Variants in DNAAF9 observed in about 807,000 individuals in gnomAD.
DNAAF9 encodes shulin.
In DNAAF9, 90 loss-of-function variants were observed where a neutral mutation model predicts 167.0. The observed-to-expected ratio is 0.54, with a 90% CI of 0.45 to 0.64. The LOEUF (loss-of-function observed/expected upper bound fraction) is 0.64, where lower values mean the gene tolerates loss of function less well. Ranked by LOEUF, DNAAF9 falls within the 30% of genes least tolerant of loss-of-function variation. The probability of loss-of-function intolerance (pLI) is 0.00; values close to 1 mark genes in which losing one functional copy is unlikely to be tolerated. For synonymous variants in DNAAF9, 491 were observed against 508.8 expected (o/e 0.96, Z 0.47); for missense variants, 1,315 against 1,442.2 (o/e 0.91, Z 1.43).
intron 10 of DNAAF9, among the ~76,000 whole-genome samples, chr20:3,332,902 T>TGTGTG (rs1381136523): frequency 8.8e-6 from 1 of 113,006 alleles, no homozygotes; most frequent in Non-Finnish European, 1.8e-5. Context: ...GTGCGTGTGG[T>TGTGTG]GTGTGTGTGT....
At chr20:3,371,254 TTC>T (rs1488826449) in intron 6 of DNAAF9, among the ~76,000 whole-genome samples, 1 of 152,010 alleles carries the variant, frequency 6.6e-6, no homozygotes, top group Non-Finnish European at 1.5e-5. Context: ...TAGATCTCAT[TTC>T]TCTTTTTATA....
At chr20:3,253,899 T>G (rs2068234410) in intron 35 of DNAAF9, 80 bp from the exon 36 acceptor site, 1 of 836,718 alleles carries the variant, frequency 1.2e-6, no homozygotes, top group African/African-American at 1.7e-5. Context: ...ACAAGTCTAT[T>G]TCCCTAGCAA....
chr20:3,353,660 G>A (rs973270595), intron 7 of DNAAF9, among the ~76,000 whole-genome samples: 1 of 129,516 alleles, frequency 7.7e-6, no homozygotes, highest in Non-Finnish European at 1.5e-5. Context: ...AAAAAAAAAG[G>A]CTATTAATAC....
At position 3,298,125 on chromosome 20, in the gene DNAAF9, C is replaced by T. The variant is rs2069115544; in HGVS notation, c.1833G>A (p.Leu611=). Residue 611 remains leucine, a synonymous_variant, in exon 22 of 37, where the codon TTG becomes TTA. Coordinates refer to ENST00000252032, the MANE Select transcript of DNAAF9 (RefSeq NM_001009984.3). The part of the protein sequence containing the change: ...AALLIDFKSS[L]LPHLPVHFHG... Reference sequence around the variant, plus strand: ...GGAAATGAACTGGGAGGTGAGGAAGCAATGAGCTTTTGAAGTCTATGAGAA... The same window carrying T: ...GGAAATGAACTGGGAGGTGAGGAAGTAATGAGCTTTTGAAGTCTATGAGAA... The T allele has an allele frequency of 6.2e-7, 1 of 1,613,284 alleles. No individual in the cohort carries two copies. The highest frequency in any genetic ancestry group is 2.2e-5 in the East Asian group (1 of 44,882).
rs2068277932 is a variant in DNAAF9 at position 3,256,224 on chromosome 20, T to C, written c.3056-13A>G. The C allele has an allele frequency of 1.3e-6, 2 of 1,585,988 alleles. No homozygotes were observed. The highest frequency in any genetic ancestry group is 1.7e-6 in the Non-Finnish European group (2 of 1,154,434). ...GTCCTCTCAGAGTCTGTAAGGAGAA[T>C]ACACATTAGTCCCTGAGAGCCTGCC... On this transcript the variant is annotated splice_polypyrimidine_tract_variant and intron_variant, in intron 33 of 36. Coordinates refer to ENST00000252032, the MANE Select transcript of DNAAF9 (RefSeq NM_001009984.3).
chr20:3,375,232 A>G, intron 4 of DNAAF9, 106 bp from the exon 5 acceptor site: 1 of 748,050 alleles, frequency 1.3e-6, no homozygotes, highest in Non-Finnish European at 2.3e-6. Flanking sequence ...TGACATTTAC[A>G]GAGGACTGCA....
At chr20:3,317,729 T>A (rs1234440449) in intron 17 of DNAAF9, among the ~76,000 whole-genome samples, 1 of 151,994 alleles carries the variant, frequency 6.6e-6, no homozygotes, top group African/African-American at 2.4e-5. Context: ...CCCGAGTAAT[T>A]GGGATTACAG....
At chr20:3,301,024 T>G (rs1352310597) in intron 21 of DNAAF9, among the ~76,000 whole-genome samples, 1 of 151,794 alleles carries the variant, frequency 6.6e-6, no homozygotes, top group Non-Finnish European at 1.5e-5. Flanking sequence ...TTTCCTTTTT[T>G]TTTTTTCAGA....
intron 25 of DNAAF9, among the ~76,000 whole-genome samples, chr20:3,292,597 C>T (rs1449647831): frequency 1.3e-5 from 2 of 151,876 alleles, no homozygotes; most frequent in African/African-American, 4.8e-5. Flanking sequence ...GAAACTCTGC[C>T]TTTACTAAAA....
chr20:3,255,939 G>A, intron 34 of DNAAF9, 67 bp downstream of exon 34: 1 of 1,263,110 alleles, frequency 7.9e-7, no homozygotes, highest in Non-Finnish European at 1.1e-6. Context: ...GGGCTTCTCA[G>A]GGCCAACAGC....
Position 3,407,482 on chromosome 20 carries a change from A to C in DNAAF9, c.76T>G (p.Ser26Ala). 7.7e-7 allele frequency: 1 copy of C among 1,304,386 alleles called. No individual in the cohort carries two copies. The highest frequency in any genetic ancestry group is 9.7e-7 in the Non-Finnish European group (1 of 1,029,016). The allele number at this position is 1,304,386 out of a possible 1,614,324, so 80.8% of individuals were successfully genotyped here. A position where few individuals can be genotyped will look rare whatever the true frequency, so the allele number is the denominator to read the frequency against. Residue 26 changes from serine to alanine, a missense_variant, in exon 1 of 37, where the codon TCC becomes GCC. By Grantham distance (99) the Ser-to-Ala change is moderately conservative (BLOSUM62 1). Transcript: ENST00000252032. ...TGCCTCTGCCCCGCGTACCTGACGG[A>C]GGGTGACCCGCGGCTGGAGCCGCCA... is the stretch of plus-strand genomic sequence containing the variant. The part of the protein sequence containing the change: ...SPGGSSRGSP[S>A]VSCSRLRQVQ...
At chr20:3,362,583 G>A (rs760676700) in intron 6 of DNAAF9, among the ~76,000 whole-genome samples, 4 of 150,982 alleles carry the variant, frequency 2.6e-5, no homozygotes, top group Non-Finnish European at 4.4e-5. Context: ...TTTTCATTTT[G>A]GGCTTGACAT....
rs1452403106 is a variant in DNAAF9 at position 3,353,641 on chromosome 20, C to A, written c.691-5018G>T. Among the ~76,000 whole-genome samples, 18 of 121,922 alleles carry A rather than the reference C, an allele frequency of 1.5e-4. 1 individual carries two copies. In the East Asian group the frequency reaches 2.2e-3, roughly 15 times the overall value. The allele number at this position is 121,922 out of a possible 152,430, so 80.0% of individuals were successfully genotyped here. A position where few individuals can be genotyped will look rare whatever the true frequency, so the allele number is the denominator to read the frequency against. ...AGACCCTGTCCCCCCGCACCACCCC[C>A]CCCCCCGCAAAAAAAAAGGCTATTA... On this transcript the variant is annotated intron_variant, in intron 7 of 36. Coordinates refer to ENST00000252032, the MANE Select transcript of DNAAF9 (RefSeq NM_001009984.3).
intron 8 of DNAAF9, among the ~76,000 whole-genome samples, chr20:3,347,698 C>T (rs560112220): frequency 9.9e-5 from 15 of 152,094 alleles, no homozygotes; most frequent in East Asian, 3.9e-4. Flanking sequence ...GGGGCTGAGG[C>T]GGGCGATTGA....
At chr20:3,316,374 C>T (rs1487704330) in intron 18 of DNAAF9, among the ~76,000 whole-genome samples, 1 of 152,154 alleles carries the variant, frequency 6.6e-6, no homozygotes, top group Non-Finnish European at 1.5e-5. Context: ...GGAAGCAAGT[C>T]ACGGGATCCA....
chr20:3,379,489 G>A (rs1273259649), intron 3 of DNAAF9, among the ~76,000 whole-genome samples: 1 of 152,024 alleles, frequency 6.6e-6, no homozygotes. Flanking sequence ...AGCTGCTCGG[G>A]AGGCTGAGGC....
At chr20:3,327,378 G>A (rs1374160989) in intron 12 of DNAAF9, among the ~76,000 whole-genome samples, 1 of 152,044 alleles carries the variant, frequency 6.6e-6, no homozygotes. Context: ...GGGGAAAGAT[G>A]GGGGAGGGAG....
chr20:3,278,531 C>T (rs555798553), intron 29 of DNAAF9, among the ~76,000 whole-genome samples: 10 of 152,186 alleles, frequency 6.6e-5, no homozygotes, highest in Middle Eastern at 3.4e-3. Context: ...CCAGCCTGGC[C>T]AACATGGTGA....
At chr20:3,382,030 A>G (rs1240733197) in intron 2 of DNAAF9, among the ~76,000 whole-genome samples, 1 of 152,186 alleles carries the variant, frequency 6.6e-6, no homozygotes, top group Non-Finnish European at 1.5e-5. Context: ...TACAGTCTAG[A>G]GGAGCTGAAT....
Sources: allele counts gnomAD v4.1 joint callset (sites outside exome capture counted in the v4.1 genomes callset), GRCh38; gene constraint gnomAD v4.1.1; transcripts MANE v1.5; gene names NCBI Gene and HGNC (gene_info 2026-07-23, HGNC 2026-07-21).